The following WDR62 variants were observed in gnomAD, a reference collection of about 807,000 sequenced individuals.
WDR62 encodes WD repeat domain 62.
WDR62 carries 112 observed loss-of-function variants against 160.6 expected under a neutral mutation model. The observed-to-expected ratio is 0.70, with a 90% CI of 0.60 to 0.82. The LOEUF is 0.82. Ranked by LOEUF, WDR62 falls within the 40% of genes least tolerant of loss-of-function variation. WDR62 has a pLI of 0.00. For synonymous variants in WDR62, 792 were observed against 815.1 expected (o/e 0.97, Z 0.48); for missense variants, 1,819 against 1,983.8 (o/e 0.92, Z 1.58).
chr19:36,101,465 T>G, intron 24 of WDR62, 148 bp downstream of exon 24: 1 of 853,032 alleles, frequency 1.2e-6, no homozygotes, highest in Non-Finnish European at 1.9e-6. Context: ...CTGAGGATTC[T>G]GGGCCCAGCT....
chr19:36,107,899 A>G (rs1973742776), downstream of WDR62, among the ~76,000 whole-genome samples: 1 of 152,120 alleles, frequency 6.6e-6, no homozygotes, highest in Non-Finnish European at 1.5e-5. Flanking sequence ...GTGAGCTGAC[A>G]GGGTCCCAGC....
At chr19:36,068,980 A>C (rs974286937) in intron 7 of WDR62, among the ~76,000 whole-genome samples, 12 of 148,848 alleles carry the variant, frequency 8.1e-5, no homozygotes, top group Non-Finnish European at 1.3e-4. Context: ...GGCAGGGCGG[A>C]GGCGGACCCC....
chr19:36,073,255 C>A, intron 8 of WDR62, 87 bp from the exon 9 acceptor site: 1 of 1,288,538 alleles, frequency 7.8e-7, no homozygotes, highest in Non-Finnish European at 1.1e-6. Flanking sequence ...GATGGCATTG[C>A]CGGGGAGGCA....
At chr19:36,094,423 G>A (rs958902368) in intron 20 of WDR62, among the ~76,000 whole-genome samples, 5 of 151,832 alleles carry the variant, frequency 3.3e-5, no homozygotes, top group Admixed American at 6.6e-5. Context: ...GCGTGGTGGC[G>A]TGCAACTATA....
chr19:36,103,800 G>C lies in WDR62; in HGVS notation c.3972G>C (p.Val1324=). 6.2e-7 allele frequency: 1 copy of C among 1,608,982 alleles called. No individual in the cohort carries two copies. The highest frequency in any genetic ancestry group is 8.5e-7 in the Non-Finnish European group (1 of 1,179,494). The change falls in exon 30 of 32, where the codon GTG becomes GTC. Residue 1324 remains valine, a synonymous_variant. Transcript: ENST00000401500. The stretch of plus-strand genomic sequence containing the variant: ...AGCCTGGCGTCACCGTCCCTGCAGT[G>C]AGCTTCCCAGCCCCTAGCCCTGTGG... ...DTQPGVTVPA[V]SFPAPSPVEE...
rs993546842 is a variant in WDR62, at chr19:36,101,125, G to T, written c.2868-89G>T. 6.1e-6 allele frequency: 8 copies of T among 1,303,346 alleles called. No individual in the cohort carries two copies. In the African/African-American group the frequency reaches 7.3e-5, roughly 12 times the overall value. The allele number at this position is 1,303,346 out of a possible 1,614,324, so 80.7% of individuals were successfully genotyped here. On this transcript the variant is annotated intron_variant, in intron 23 of 31. Coordinates refer to ENST00000401500, the MANE Select transcript of WDR62 (RefSeq NM_001083961.2). ...CGCAGTGCTCCTGCAGGAGCAGCGG[G>T]TACAGGTGCCTAGGGGCTCCGGGTG...
chr19:36,086,278 G>A (rs1367420554), intron 12 of WDR62, among the ~76,000 whole-genome samples: 1 of 152,150 alleles, frequency 6.6e-6, no homozygotes, highest in South Asian at 2.1e-4. Flanking sequence ...CAGTCAATAG[G>A]ACCTGAACAA....
chr19:36,071,923 A>T (rs767377863), intron 8 of WDR62, among the ~76,000 whole-genome samples: 3 of 152,236 alleles, frequency 2.0e-5, no homozygotes, highest in Admixed American at 6.5e-5. Flanking sequence ...GGGGGAAGAA[A>T]CAGTGAGAAA....
chr19:36,073,781 A>G, intron 9 of WDR62: 1 of 549,186 alleles, frequency 1.8e-6, no homozygotes, highest in East Asian at 4.3e-5. Context: ...CTGAAGAAAA[A>G]TGAGGCGGGG....
downstream of WDR62, among the ~76,000 whole-genome samples, chr19:36,109,879 C>T (rs1973777144): frequency 1.3e-5 from 2 of 151,390 alleles, no homozygotes; most frequent in Middle Eastern, 3.5e-3. Flanking sequence ...CATGGTGAAA[C>T]CCCATCTCTA....
chr19:36,058,680 G>T, intron 1 of WDR62, 100 bp from the exon 2 acceptor site: 1 of 845,148 alleles, frequency 1.2e-6, no homozygotes, highest in Non-Finnish European at 2.0e-6. Flanking sequence ...AGCTCAGTGT[G>T]GGTGTTGAAT....
At chr19:36,077,538 C>A (rs896158812) in intron 9 of WDR62, among the ~76,000 whole-genome samples, 5 of 152,044 alleles carry the variant, frequency 3.3e-5, no homozygotes, top group African/African-American at 1.2e-4. Context: ...CCTCAGCCTC[C>A]CAAAGTGGTG....
Position 36,083,096 on chromosome 19 carries a change from A to G in WDR62, c.1405A>G (p.Ile469Val). 1 of 1,613,566 alleles carries G rather than the reference A, an allele frequency of 6.2e-7. No homozygotes were observed. Among genetic ancestry groups the G allele is most frequent in the Non-Finnish European group, 8.5e-7 (1 of 1,179,760 alleles). Residue 469 changes from isoleucine to valine, a missense_variant, in exon 11 of 32, where the codon ATC becomes GTC. This residue lies in a region of WDR62 where 934 missense variants were observed against 1,157.2 expected (regional missense o/e 0.81). Coordinates refer to ENST00000401500, the MANE Select transcript of WDR62 (RefSeq NM_001083961.2). ...LLKVVYVEND[I>V]QHLQDMSHFP... The stretch of plus-strand genomic sequence containing the variant: ...GAAGGTCGTGTACGTGGAGAATGAC[A>G]TCCAGCACCTGCAGGACATGTCACA...
chr19:36,108,343 T>A (rs1724665082), downstream of WDR62, among the ~76,000 whole-genome samples: 1 of 152,030 alleles, frequency 6.6e-6, no homozygotes, highest in South Asian at 2.1e-4. Context: ...AAACAGTTCA[T>A]CTTTCACTGC....
rs755488342 is a variant in WDR62, at chr19:36,055,043, A to T, written c.72A>T (p.Gly24=). The change falls in exon 1 of 32, where the codon GGA becomes GGT. Residue 24 remains glycine (G), a synonymous_variant. Transcript: ENST00000401500. ...AGAAGCTGCCCTCTGTCATGGCGGG[A>T]GTTCCGGCGCGGAGGGGCCAGTCCT... ...AGEKLPSVMA[G]VPARRGQSSP... The T allele has an allele frequency of 2.5e-6, 4 of 1,588,530 alleles. No individual in the cohort carries two copies. The East Asian group carries it at 6.9e-5, about 27-fold the overall frequency.
intron 7 of WDR62, among the ~76,000 whole-genome samples, chr19:36,069,868 C>G (rs921002438): frequency 6.6e-6 from 1 of 152,104 alleles, no homozygotes; most frequent in African/African-American, 2.4e-5. Context: ...CGTGGCGGCG[C>G]GCGCCTGCAA....
downstream of WDR62, among the ~76,000 whole-genome samples, chr19:36,105,485 A>G (rs1159655477): frequency 2.0e-5 from 3 of 151,726 alleles, no homozygotes; most frequent in Admixed American, 6.6e-5. Context: ...CCAAGGCCAC[A>G]CTAGATCCCA....
intron 21 of WDR62, among the ~76,000 whole-genome samples, chr19:36,098,444 A>G (rs1223106895): frequency 6.6e-6 from 1 of 152,040 alleles, no homozygotes; most frequent in East Asian, 1.9e-4. Context: ...GCATGCCTAT[A>G]GTCCCAACTA....
Position 36,094,164 on chromosome 19 carries a change from G to A in WDR62, c.2467G>A (p.Asp823Asn). The change falls in exon 20 of 32, where the codon GAT becomes AAT. Residue 823 changes from aspartate (D) to asparagine (N), a missense_variant and splice_region_variant. Asp to Asn is a conservative substitution (Grantham distance 23). Transcript: ENST00000401500. ...ACCATCCAAAGATAGCTTGGATCCA[G>A]GTTGGAAAAGGGGCCCTATTTTGAA... ...KTPSKDSLDPDPRCLLTNGKL... is the reference protein window; with the variant it reads ...KTPSKDSLDPNPRCLLTNGKL... 6.2e-7 allele frequency: 1 copy of A among 1,614,036 alleles called. No individual in the cohort carries two copies. The highest frequency in any genetic ancestry group is 8.5e-7 in the Non-Finnish European group (1 of 1,179,998).
Sources: allele counts gnomAD v4.1 joint callset (sites outside exome capture counted in the v4.1 genomes callset), GRCh38; gene constraint gnomAD v4.1.1; regional missense constraint gnomAD v4.1.1; transcripts MANE v1.5; gene names NCBI Gene and HGNC (gene_info 2026-07-23, HGNC 2026-07-21).